MRPS23: variants seen among roughly 807,000 people sequenced by gnomAD.
MRPS23 encodes the protein mitochondrial ribosomal protein S23, also known as small ribosomal subunit protein mS23.
MRPS23 carries 14 observed loss-of-function variants against 19.8 expected under a neutral mutation model. The observed-to-expected ratio is 0.71, with a 90% CI of 0.47 to 1.11. The LOEUF is 1.11. Ranked by LOEUF, MRPS23 falls within the 50% of genes least tolerant of loss-of-function variation. MRPS23 has a pLI of 0.00. For synonymous variants in MRPS23, 113 were observed against 89.7 expected (o/e 1.26, Z -1.47); for missense variants, 242 against 236.7 (o/e 1.02, Z -0.15).
chr17:57,842,981 T>C (rs773831684), intron 2 of MRPS23, among the ~76,000 whole-genome samples: 7 of 146,086 alleles, frequency 4.8e-5, no homozygotes, highest in East Asian at 2.0e-4. Context: ...CAAAAATATA[T>C]ATATATATTT....
Position 57,841,247 on chromosome 17 carries a change from C to T in MRPS23, c.229G>A (p.Val77Met). The T allele has an allele frequency of 6.2e-7, 1 of 1,613,620 alleles. No homozygotes were observed. The highest frequency in any genetic ancestry group is 8.5e-7 in the Non-Finnish European group (1 of 1,179,914). Residue 77 changes from valine to methionine, a missense_variant, in exon 3 of 5, where the codon GTG becomes ATG. Physicochemically the swap from Val to Met is conservative, Grantham distance 21. Transcript: ENST00000313608. ...EDRIRAKFYS[V>M]YGSGQRAFDL... The stretch of plus-strand genomic sequence containing the variant: ...AAAGCTCTTTGACCAGACCCATACA[C>T]TGAATAAAACTTCCTAGAAAATGCA...
At position 57,838,638 on chromosome 17, in the gene MRPS23, T is replaced by C. The variant is rs2073721683; in HGVS notation, c.*1145A>G. The C allele has an allele frequency of 6.6e-6, 1 of 152,236 alleles. No homozygotes were observed. Among genetic ancestry groups the C allele is most frequent in the Non-Finnish European group, 1.5e-5 (1 of 68,046 alleles). 9.4% of individuals were successfully genotyped at this position (152,236 alleles called of 1,614,324 possible). A position where few individuals can be genotyped will look rare whatever the true frequency, so the allele number is the denominator to read the frequency against. On this transcript the variant is annotated 3_prime_UTR_variant, in exon 5 of 5. Transcript: ENST00000313608. ...TAAAGCATTCTCCAAATGCAAGCAG[T>C]TGTGAAACAGTGATAAAGGTCGAGG...
chr17:57,836,608 T>A lies in MRPS23; in HGVS notation c.*3175A>T, dbSNP rs1200477582. On this transcript the variant is annotated 3_prime_UTR_variant, in exon 5 of 5. Coordinates refer to ENST00000313608, the MANE Select transcript of MRPS23 (RefSeq NM_016070.4). ...CTCTACTGTACTTTTATATCAAAGT[T>A]TAAAAGGATTCCTGTTCATCTTGCT... 6.6e-6 allele frequency: 1 copy of A among 152,168 alleles called. No individual in the cohort carries two copies. Among genetic ancestry groups the A allele is most frequent in the Non-Finnish European group, 1.5e-5 (1 of 68,038 alleles). The allele number at this position is 152,168 out of a possible 1,614,324, so 9.4% of individuals were successfully genotyped here.
chr17:57,847,774 GCAA>G (rs2073786331), intron 2 of MRPS23, among the ~76,000 whole-genome samples: 1 of 149,696 alleles, frequency 6.7e-6, no homozygotes, highest in Non-Finnish European at 1.5e-5. Context: ...TCAGCTCACT[GCAA>G]CCTCCACCTT....
At chr17:57,840,846 A>G in intron 4 of MRPS23, 80 bp downstream of exon 4, 1 of 1,544,334 alleles carries the variant, frequency 6.5e-7, no homozygotes, top group East Asian at 2.3e-5. Flanking sequence ...TGGTATCTGC[A>G]GGGGCCCTAG....
Position 57,841,013 on chromosome 17 carries a change from T to C in MRPS23, c.333A>G (p.Glu111=). Residue 111 remains glutamate (E), a synonymous_variant, in exon 4 of 5, where the codon GAA becomes GAG. Coordinates refer to ENST00000313608, the MANE Select transcript of MRPS23 (RefSeq NM_016070.4). Reference sequence around the variant, plus strand: ...CCACAAATAACTTCTCTTCATCTGTTTCTCCAAGTTTCTGTAGCTCAGTGT... The same window carrying C: ...CCACAAATAACTTCTCTTCATCTGTCTCTCCAAGTTTCTGTAGCTCAGTGT... The part of the protein sequence containing the change: ...EKYTELQKLG[E]TDEEKLFVET... 6.2e-7 allele frequency: 1 copy of C among 1,614,190 alleles called. No homozygotes were observed. The highest frequency in any genetic ancestry group is 8.5e-7 in the Non-Finnish European group (1 of 1,180,032).
rs1255985177 is a variant in MRPS23 at position 57,841,194 on chromosome 17, A to G, written c.282T>C (p.Ser94=). 1.2e-6 allele frequency: 2 copies of G among 1,614,084 alleles called. No homozygotes were observed. The highest frequency in any genetic ancestry group is 1.7e-5 in the Admixed American group (1 of 60,012). ...ATAAAATGGCTTACCGTTGACAGGT[A>G]GACTTGAAGTTTGGATTGAATAGAT... The part of the protein sequence containing the change: ...AFDLFNPNFK[S]TCQRFVEKYT... Residue 94 remains serine (S), a synonymous_variant, in exon 3 of 5, where the codon TCT becomes TCC. Transcript: ENST00000313608.
chr17:57,842,936 G>A (rs1423516480), intron 2 of MRPS23, among the ~76,000 whole-genome samples: 34 of 103,410 alleles, frequency 3.3e-4, no homozygotes, highest in Admixed American at 4.1e-4. Context: ...ACACACACAC[G>A]AGGCAGGTGC....
intron 2 of MRPS23, among the ~76,000 whole-genome samples, chr17:57,846,119 G>GGTGGGGGA (rs1568016632): frequency 6.6e-6 from 1 of 150,514 alleles, no homozygotes; most frequent in Non-Finnish European, 1.5e-5. Context: ...AAGGTGGGGG[G>GGTGGGGGA]CAGCCCCCAC....
intron 2 of MRPS23, among the ~76,000 whole-genome samples, chr17:57,844,004 C>G (rs892642198): frequency 3.3e-5 from 5 of 151,756 alleles, no homozygotes; most frequent in Non-Finnish European, 7.4e-5. Flanking sequence ...ACCTTTATCA[C>G]TCAGATTATT....
Position 57,849,986 on chromosome 17 carries a change from C to A in MRPS23, c.25G>T (p.Val9Leu). 1 of 1,590,532 alleles carries A rather than the reference C, an allele frequency of 6.3e-7. No individual in the cohort carries two copies. Among genetic ancestry groups the A allele is most frequent in the Non-Finnish European group, 8.5e-7 (1 of 1,174,396 alleles). The change falls in exon 1 of 5, where the codon GTA (valine) becomes TTA (leucine). Residue 9 changes from valine (V) to leucine (L), a missense_variant. Val to Leu is a conservative substitution (Grantham distance 32, BLOSUM62 1). Coordinates refer to ENST00000313608, the MANE Select transcript of MRPS23 (RefSeq NM_016070.4). ...ACACACCGAGAGAAGATGCTCCCTA[C>A]GGTTTCCAGCCGGCTGCCTGCCATG... Reference protein sequence around the residue: MAGSRLETVGSIFSRTRDL... With the variant: MAGSRLETLGSIFSRTRDL...
At position 57,839,036 on chromosome 17, in the gene MRPS23, T is replaced by C. The variant is rs1001410026; in HGVS notation, c.*747A>G. The C allele has an allele frequency of 1.5e-4, 23 of 152,270 alleles. No homozygotes were observed. The highest frequency in any genetic ancestry group is 5.5e-4 in the African/African-American group (23 of 41,468). 9.4% of individuals were successfully genotyped at this position (152,270 alleles called of 1,614,324 possible). A position where few individuals can be genotyped will look rare whatever the true frequency, so the allele number is the denominator to read the frequency against. On this transcript the variant is annotated 3_prime_UTR_variant, in exon 5 of 5. Coordinates refer to ENST00000313608, the MANE Select transcript of MRPS23 (RefSeq NM_016070.4). ...CCCCAGGGAGGCAGGTGGATGCTGG[T>C]GGAGAGCATCACCTAAATTAGCTGC... is the stretch of plus-strand genomic sequence containing the variant.
In MRPS23 at chr17:57,849,770, A is replaced by G. The variant is rs2073799968; in HGVS notation, c.44+197T>C. 4.4e-6 allele frequency: 3 copies of G among 674,606 alleles called. No individual in the cohort carries two copies. In the Admixed American group the frequency reaches 8.9e-5, roughly 20 times the overall value. 41.8% of individuals were successfully genotyped at this position (674,606 alleles called of 1,614,324 possible). A position where few individuals can be genotyped will look rare whatever the true frequency, so the allele number is the denominator to read the frequency against. ...GCTGCAATAATCTTTAACATGACACATAAATTCAAGGAGAGGCATCCTCAG... is the reference window on the plus strand; with the variant it reads ...GCTGCAATAATCTTTAACATGACACGTAAATTCAAGGAGAGGCATCCTCAG... On this transcript the variant is annotated intron_variant, in intron 1 of 4. Transcript: ENST00000313608.
chr17:57,845,059 A>G (rs1386122273), intron 2 of MRPS23, among the ~76,000 whole-genome samples: 1 of 151,934 alleles, frequency 6.6e-6, no homozygotes, highest in Non-Finnish European at 1.5e-5. Context: ...CACCACGCCC[A>G]GCTGATTTTT....
At chr17:57,845,241 G>C (rs1449685435) in intron 2 of MRPS23, among the ~76,000 whole-genome samples, 4 of 152,186 alleles carry the variant, frequency 2.6e-5, no homozygotes, top group African/African-American at 4.8e-5. Flanking sequence ...ATGGGTCTGA[G>C]AAGAAAGGTG....
intron 1 of MRPS23, 102 bp from the exon 2 acceptor site, chr17:57,849,512 T>C (rs1335190548): frequency 7.2e-7 from 1 of 1,389,224 alleles, no homozygotes; most frequent in African/African-American, 1.4e-5. Flanking sequence ...TTATGCGGTC[T>C]GCAACACAGA....
Position 57,849,388 on chromosome 17 carries a change from C to T in MRPS23, c.67G>A (p.Gly23Arg). Reference sequence around the variant, plus strand: ...CACAGGGGCTTCTCCTTCAGCACCCCGGCCCGAACCAGGTCCCGAGTCCTT... The same window carrying T: ...CACAGGGGCTTCTCCTTCAGCACCCTGGCCCGAACCAGGTCCCGAGTCCTT... ...FSRTRDLVRA[G>R]VLKEKPLWFD... Residue 23 changes from glycine (G) to arginine (R), a missense_variant, in exon 2 of 5, where the codon GGG becomes AGG. Coordinates refer to ENST00000313608, the MANE Select transcript of MRPS23 (RefSeq NM_016070.4). 2.5e-6 allele frequency: 4 copies of T among 1,614,028 alleles called. No individual in the cohort carries two copies. The highest frequency in any genetic ancestry group is 3.4e-6 in the Non-Finnish European group (4 of 1,180,010).
At chr17:57,841,410 A>C in intron 2 of MRPS23, 150 bp from the exon 3 acceptor site, 1 of 727,244 alleles carries the variant, frequency 1.4e-6, no homozygotes, top group Non-Finnish European at 2.2e-6. Context: ...GTTTTTTTAG[A>C]TAAGTAATGC....
In MRPS23 at chr17:57,838,804, G is replaced by C. The variant is rs2586037; in HGVS notation, c.*979C>G. 0.96 allele frequency: 145,886 copies of C among 152,342 alleles called. 70,178 individuals carry two copies. The highest frequency in any genetic ancestry group is 1 in the East Asian group (5,188 of 5,188). The allele number at this position is 152,342 out of a possible 1,614,324, so 9.4% of individuals were successfully genotyped here. ...TCACAGTGTACCAGGAGAGATGAGA[G>C]CATACACAAAGAATCACTGGGTAGA... On this transcript the variant is annotated 3_prime_UTR_variant, in exon 5 of 5. Coordinates refer to ENST00000313608, the MANE Select transcript of MRPS23 (RefSeq NM_016070.4).
Sources: allele counts gnomAD v4.1 joint callset (sites outside exome capture counted in the v4.1 genomes callset), GRCh38; gene constraint gnomAD v4.1.1; transcripts MANE v1.5; gene names NCBI Gene and HGNC (gene_info 2026-07-23, HGNC 2026-07-21).